Variants in GMDS observed in about 807,000 individuals in gnomAD.
The protein encoded by GMDS is GDP-mannose 4,6 dehydratase.
A neutral mutation model predicts 49.9 loss-of-function variants in GMDS; 20 were observed. The ratio of observed to expected loss-of-function variants is 0.40; its 90% CI spans 0.28 to 0.58. GMDS has a LOEUF of 0.58. GMDS is among the 20% of genes least tolerant of loss of function. GMDS has a pLI of 0.42. For missense variants in GMDS, 362 were observed against 481.4 expected (o/e 0.75, Z 2.32); for synonymous variants, 177 against 178.6 (o/e 0.99, Z 0.07).
At chr6:1,972,176 AT>A (rs1380478226) in intron 4 of GMDS, among the ~76,000 whole-genome samples, 1 of 151,990 alleles carries the variant, frequency 6.6e-6, no homozygotes, top group Non-Finnish European at 1.5e-5. Flanking sequence ...CAATTAAAAA[AT>A]ATATAATTTT....
chr6:1,854,107 C>A (rs1199840576), intron 7 of GMDS, among the ~76,000 whole-genome samples: 2 of 152,184 alleles, frequency 1.3e-5, no homozygotes, highest in African/African-American at 2.4e-5. Flanking sequence ...AAAATTCACA[C>A]CCAGGCAAGA....
intron 7 of GMDS, among the ~76,000 whole-genome samples, chr6:1,911,851 T>G (rs1450045534): frequency 6.6e-6 from 1 of 152,142 alleles, no homozygotes; most frequent in Admixed American, 6.5e-5. Flanking sequence ...CAAGCAACAT[T>G]CTGACTAAGC....
At chr6:1,688,949 T>C (rs567610222) in intron 9 of GMDS, among the ~76,000 whole-genome samples, 2 of 152,260 alleles carry the variant, frequency 1.3e-5, no homozygotes, top group South Asian at 4.2e-4. Context: ...AAAACTGACA[T>C]TAGAGAATGC....
intron 9 of GMDS, chr6:1,717,359 G>A (rs1766212352): frequency 6.6e-6 from 1 of 152,422 alleles, no homozygotes; most frequent in African/African-American, 2.4e-5. Flanking sequence ...CAAGGGAGGA[G>A]CATGGGGGGT....
At chr6:1,699,070 ATCTCTTAGTG>A (rs1388265509) in intron 9 of GMDS, among the ~76,000 whole-genome samples, 10 of 151,964 alleles carry the variant, frequency 6.6e-5, no homozygotes, top group Admixed American at 3.9e-4. Flanking sequence ...ACTTGACAAG[ATCTCTTAGTG>A]TCCATGTGTG....
At chr6:2,218,935 T>C (rs965900305) in intron 1 of GMDS, among the ~76,000 whole-genome samples, 1 of 152,118 alleles carries the variant, frequency 6.6e-6, no homozygotes, top group Non-Finnish European at 1.5e-5. Context: ...TTTAAAAATC[T>C]CTTAATAAAT....
chr6:2,117,537 C>T lies in GMDS; in HGVS notation c.167G>A (p.Arg56Gln), dbSNP rs760036051. ...KGYEVHGIVR[R>Q]SSSFNTGRIE... ...TCGACCCGTATTAAATGAACTGGACCGCCGTACAATTCCATGGACCTGAGT... is the reference window on the plus strand; with the variant it reads ...TCGACCCGTATTAAATGAACTGGACTGCCGTACAATTCCATGGACCTGAGT... Residue 56 changes from arginine (R) to glutamine (Q), a missense_variant, in exon 3 of 11, where the codon CGG becomes CAG. Coordinates refer to ENST00000380815, the MANE Select transcript of GMDS (RefSeq NM_001500.4). The T allele has an allele frequency of 1.2e-5, 19 of 1,603,710 alleles. No individual in the cohort carries two copies. The highest frequency in any genetic ancestry group is 1.5e-5 in the Non-Finnish European group (18 of 1,170,634).
At chr6:1,661,486 C>T (rs185401126) in intron 9 of GMDS, among the ~76,000 whole-genome samples, 44 of 152,296 alleles carry the variant, frequency 2.9e-4, no homozygotes, top group Admixed American at 8.5e-4. Flanking sequence ...ACAGGTTAAG[C>T]GGCTTGCTTG....
intron 4 of GMDS, among the ~76,000 whole-genome samples, chr6:2,031,872 G>T (rs1236905368): frequency 1.3e-5 from 2 of 152,110 alleles, no homozygotes; most frequent in African/African-American, 2.4e-5. Flanking sequence ...TAGGCCCATG[G>T]TCACCACTTT....
chr6:2,223,908 C>G lies in GMDS; in HGVS notation c.102+21413G>C, dbSNP rs13219512. On this transcript the variant is annotated intron_variant, in intron 1 of 10. Transcript: ENST00000380815. ...TGCAGTTGTAGACATAGAAAGTGAA[C>G]AAAGTAGGAGAGAGTCAGGAATGGT... Among the ~76,000 whole-genome samples the G allele has an allele frequency of 7.2e-4, 109 of 152,122 alleles. 1 individual carries two copies. Among genetic ancestry groups the G allele is most frequent in the African/African-American group, 2.4e-3 (99 of 41,496 alleles).
chr6:1,742,064 G>T (rs1473486002), intron 8 of GMDS, among the ~76,000 whole-genome samples: 5 of 151,338 alleles, frequency 3.3e-5, no homozygotes, highest in African/African-American at 1.2e-4. Context: ...TGGGATAACA[G>T]GCGCGCACCA....
At chr6:1,939,574 CAT>C (rs200730469) in intron 6 of GMDS, among the ~76,000 whole-genome samples, 4 of 133,070 alleles carry the variant, frequency 3.0e-5, no homozygotes, top group African/African-American at 7.9e-5. Context: ...TACCTATATA[CAT>C]ATATATACAC....
chr6:2,240,726 C>T (rs913307690), intron 1 of GMDS, among the ~76,000 whole-genome samples: 1 of 152,026 alleles, frequency 6.6e-6, no homozygotes, highest in Non-Finnish European at 1.5e-5. Flanking sequence ...AAACTAAATG[C>T]TCAGTACTTG....
intron 7 of GMDS, among the ~76,000 whole-genome samples, chr6:1,860,140 G>T (rs1758115191): frequency 1.3e-5 from 2 of 152,050 alleles, no homozygotes; most frequent in African/African-American, 4.8e-5. Context: ...ATTAACCATT[G>T]TATCTCAGAC....
intron 1 of GMDS, among the ~76,000 whole-genome samples, chr6:2,131,756 G>GTGAA: frequency 6.6e-6 from 1 of 151,604 alleles, no homozygotes; most frequent in East Asian, 1.9e-4. Context: ...TCATCACTAC[G>GTGAA]TGAATACAAG....
At chr6:1,819,841 T>C (rs961091198) in intron 7 of GMDS, among the ~76,000 whole-genome samples, 2 of 149,890 alleles carry the variant, frequency 1.3e-5, no homozygotes, top group South Asian at 2.1e-4. Context: ...ATATGACAAG[T>C]AGACATTTTA....
chr6:1,798,394 C>T (rs1769821397), intron 7 of GMDS, among the ~76,000 whole-genome samples: 1 of 151,998 alleles, frequency 6.6e-6, no homozygotes, highest in Non-Finnish European at 1.5e-5. Context: ...TAAAAGAAAC[C>T]AGATTTTTAA....
At chr6:2,104,908 T>C (rs191920967) in intron 4 of GMDS, among the ~76,000 whole-genome samples, 62 of 151,836 alleles carry the variant, frequency 4.1e-4, no homozygotes, top group East Asian at 9.7e-4. Flanking sequence ...CCTAACCGGG[T>C]GCGGTGGCTC....
chr6:1,888,119 TTTA>T (rs200321956), intron 7 of GMDS, among the ~76,000 whole-genome samples: 3 of 140,480 alleles, frequency 2.1e-5, no homozygotes, highest in East Asian at 2.0e-4. Flanking sequence ...TGGCTATTTT[TTTA>T]TTATTATTAT....
Sources: allele counts gnomAD v4.1 joint callset (sites outside exome capture counted in the v4.1 genomes callset), GRCh38; gene constraint gnomAD v4.1.1; transcripts MANE v1.5; gene names NCBI Gene and HGNC (gene_info 2026-07-23, HGNC 2026-07-21).